Variants in FAR2 observed in about 807,000 individuals in gnomAD.
The protein encoded by FAR2 is fatty acyl-CoA reductase 2, also known as epididymis secretory protein Li 81.
A neutral mutation model predicts 56.0 loss-of-function variants in FAR2; 19 were observed. The observed-to-expected ratio is 0.34, with a 90% CI of 0.24 to 0.50. FAR2 has a LOEUF of 0.50. Among genes scored for constraint, FAR2 ranks in the 20% least tolerant of loss-of-function variants. FAR2 has a pLI of 0.98. For synonymous variants in FAR2, 219 were observed against 218.8 expected (o/e 1.00, Z -0.01); for missense variants, 508 against 642.2 (o/e 0.79, Z 2.26).
intron 1 of FAR2, among the ~76,000 whole-genome samples, chr12:29,243,748 T>G (rs1422632875): frequency 6.6e-6 from 1 of 152,216 alleles, no homozygotes; most frequent in Non-Finnish European, 1.5e-5. Context: ...TTCATTTCTC[T>G]TCTAGGAACT....
chr12:29,283,697 T>C (rs1948823708), intron 2 of FAR2, among the ~76,000 whole-genome samples: 1 of 152,228 alleles, frequency 6.6e-6, no homozygotes, highest in African/African-American at 2.4e-5. Context: ...AGCTGCTAGG[T>C]AAATTTCGCA....
chr12:29,319,101 C>T (rs1377480198), intron 9 of FAR2, among the ~76,000 whole-genome samples: 1 of 151,976 alleles, frequency 6.6e-6, no homozygotes, highest in African/African-American at 2.4e-5. Flanking sequence ...AGCGATTCTC[C>T]TGCCTCAGCC....
At position 29,190,020 on chromosome 12, in the gene FAR2, G is replaced by A. The variant is rs73073798; in HGVS notation, c.-39+40613G>A. 4.8e-3 allele frequency among the ~76,000 whole-genome samples: 728 copies of A among 152,246 alleles called. 5 individuals are homozygous for A. Among genetic ancestry groups the A allele is most frequent in the Middle Eastern group, 0.017 (5 of 294 alleles). ...AATAGAAGGATGAAGGACAACTCAT[G>A]GATTGGAGGTCTGAAGGAAATGTGT... is the stretch of plus-strand genomic sequence containing the variant. On this transcript the variant is annotated intron_variant, in intron 1 of 11. Transcript: ENST00000536681.
intron 8 of FAR2, among the ~76,000 whole-genome samples, chr12:29,313,982 A>G (rs1949399054): frequency 3.3e-5 from 5 of 149,398 alleles, no homozygotes; most frequent in Admixed American, 3.3e-4. Context: ...ACATGCATTT[A>G]TGGCTTTATA....
intron 1 of FAR2, among the ~76,000 whole-genome samples, chr12:29,197,020 A>G (rs1248575668): frequency 6.6e-6 from 1 of 152,190 alleles, no homozygotes; most frequent in Non-Finnish European, 1.5e-5. Flanking sequence ...GTGCTTCTTA[A>G]TCTATTTGAA....
intron 1 of FAR2, among the ~76,000 whole-genome samples, chr12:29,159,726 C>A (rs1020086754): frequency 6.6e-6 from 1 of 152,126 alleles, no homozygotes; most frequent in Non-Finnish European, 1.5e-5. Context: ...CTGGCTGAGA[C>A]GTAGCTTGCA....
At chr12:29,221,483 C>A (rs1947690122) in intron 1 of FAR2, among the ~76,000 whole-genome samples, 1 of 152,162 alleles carries the variant, frequency 6.6e-6, no homozygotes, top group South Asian at 2.1e-4. Context: ...GGATTGTTTT[C>A]AATTGGAAAA....
intron 1 of FAR2, among the ~76,000 whole-genome samples, chr12:29,190,200 T>C (rs1196075146): frequency 6.6e-6 from 1 of 151,824 alleles, no homozygotes; most frequent in Admixed American, 6.6e-5. Context: ...CACCTAGGAG[T>C]GTGGAGCTCC....
At chr12:29,320,477 G>A (rs1949533120) in intron 9 of FAR2, among the ~76,000 whole-genome samples, 1 of 152,142 alleles carries the variant, frequency 6.6e-6, no homozygotes, top group South Asian at 2.1e-4. Context: ...CTATGATACA[G>A]TAAGAGAAAT....
chr12:29,186,096 T>C (rs1383537331), intron 1 of FAR2, among the ~76,000 whole-genome samples: 1 of 152,242 alleles, frequency 6.6e-6, no homozygotes, highest in African/African-American at 2.4e-5. Flanking sequence ...TTTGATAGTA[T>C]ATTTTCTTTA....
chr12:29,316,797 T>C (rs537953792), intron 8 of FAR2, 44 bp from the exon 9 acceptor site: 9 of 1,594,180 alleles, frequency 5.6e-6, no homozygotes, highest in Middle Eastern at 1.7e-4. Flanking sequence ...GATGGACTTA[T>C]ATTCTCCTTT....
intron 4 of FAR2, among the ~76,000 whole-genome samples, chr12:29,307,424 C>A (rs867577808): frequency 1.4e-5 from 2 of 147,618 alleles, no homozygotes; most frequent in African/African-American, 2.5e-5. Context: ...TACCTACCTA[C>A]CTACCTATCT....
At chr12:29,270,311 T>G (rs2136706664) in intron 1 of FAR2, 101 bp from the exon 2 acceptor site, 1 of 833,336 alleles carries the variant, frequency 1.2e-6, no homozygotes, top group South Asian at 2.4e-5. Context: ...CCTATTTTTT[T>G]CTGCATTCAA....
chr12:29,266,291 A>G (rs1441250224), intron 1 of FAR2, among the ~76,000 whole-genome samples: 1 of 152,180 alleles, frequency 6.6e-6, no homozygotes, highest in Non-Finnish European at 1.5e-5. Flanking sequence ...GATAAAGAAA[A>G]TGTGGTAAAT....
At chr12:29,324,193 A>G (rs986022416) in intron 10 of FAR2, among the ~76,000 whole-genome samples, 1 of 152,210 alleles carries the variant, frequency 6.6e-6, no homozygotes, top group African/African-American at 2.4e-5. Context: ...AGAGAAGTTT[A>G]GAGAAAAAAG....
intron 10 of FAR2, 127 bp downstream of exon 10, chr12:29,322,051 T>G (rs1176274069): frequency 8.8e-7 from 1 of 1,141,314 alleles, no homozygotes; most frequent in Admixed American, 3.3e-5. Context: ...TTTGCTTTGT[T>G]TTTCTAAGAA....
chr12:29,206,079 C>T lies in FAR2; in HGVS notation c.-39+56672C>T, dbSNP rs369010951. Among the ~76,000 whole-genome samples the T allele has an allele frequency of 7.9e-5, 12 of 152,324 alleles. No homozygotes were observed. The East Asian group carries it at 1.3e-3, about 17-fold the overall frequency. Reference sequence around the variant, plus strand: ...AGTCATTGCTGGGAAGCATATTCAGCCAGTGAGAATGGTTCTATACCACTT... The same window carrying T: ...AGTCATTGCTGGGAAGCATATTCAGTCAGTGAGAATGGTTCTATACCACTT... On this transcript the variant is annotated intron_variant, in intron 1 of 11. Coordinates refer to ENST00000536681, the MANE Select transcript of FAR2 (RefSeq NM_001271783.2).
At position 29,333,887 on chromosome 12, in the gene FAR2, T is replaced by C. The variant is rs999779612; in HGVS notation, c.*93T>C. 2 of 1,180,774 alleles carry C rather than the reference T, an allele frequency of 1.7e-6. No individual in the cohort carries two copies. Among genetic ancestry groups the C allele is most frequent in the East Asian group, 2.4e-5 (1 of 42,250 alleles). 73.1% of individuals were successfully genotyped at this position (1,180,774 alleles called of 1,614,324 possible). On this transcript the variant is annotated 3_prime_UTR_variant, in exon 12 of 12. Transcript: ENST00000536681. ...CAAGATTAGAAAGTAACAAGGAATA[T>C]GCCCAAACTGTCAAATGTCACCTGT... is the stretch of plus-strand genomic sequence containing the variant.
chr12:29,274,520 T>C (rs1021517368), intron 2 of FAR2, among the ~76,000 whole-genome samples: 1 of 152,086 alleles, frequency 6.6e-6, no homozygotes, highest in African/African-American at 2.4e-5. Context: ...GCATGTGTCT[T>C]TATAGCAGCA....
Sources: gnomAD v4.1 joint callset for allele counts (sites outside exome capture counted in the v4.1 genomes callset) on GRCh38, gnomAD v4.1.1 for gene constraint, MANE v1.5 for transcripts, NCBI Gene and HGNC (gene_info 2026-07-23, HGNC 2026-07-21) for gene names.